The following GTF3C6 variants were observed in gnomAD, a reference collection of about 807,000 sequenced individuals.
GTF3C6 encodes the protein general transcription factor IIIC subunit 6.
GTF3C6 carries 11 observed loss-of-function variants against 19.2 expected under a neutral mutation model. That is an observed-to-expected ratio of 0.57 (90% confidence interval 0.36 to 0.95). The LOEUF (loss-of-function observed/expected upper bound fraction) is 0.95, where lower values mean the gene tolerates loss of function less well. Ranked by LOEUF, GTF3C6 falls within the 40% of genes least tolerant of loss-of-function variation. The pLI is 0.01. For synonymous variants in GTF3C6, 87 were observed against 84.2 expected, an observed-to-expected ratio of 1.03 and a Z score of -0.18; for missense variants, 222 against 254.7, an observed-to-expected ratio of 0.87 and a Z score of 0.87.
At chr6:110,966,157 G>A (rs1771227121) in intron 5 of GTF3C6, among the ~76,000 whole-genome samples, 1 of 152,162 alleles carries the variant, frequency 6.6e-6, no homozygotes, top group South Asian at 2.1e-4. Context: ...AAGCCACAGT[G>A]TCTTTTATGA....
chr6:110,960,580 G>A lies in GTF3C6; in HGVS notation c.211G>A (p.Gly71Arg). ...TTTGTATTTTTCTGCAGACACTCTAGGGACCTGTGTTATATTTGAAGAAAA... is the reference window on the plus strand; with the variant it reads ...TTTGTATTTTTCTGCAGACACTCTAAGGACCTGTGTTATATTTGAAGAAAA... Reference protein sequence around the residue: ...VFAGEYEDTLGTCVIFEENVE... With the variant: ...VFAGEYEDTLRTCVIFEENVE... The change falls in exon 4 of 6, where the codon GGG becomes AGG. Residue 71 changes from glycine to arginine, a missense_variant. Gly to Arg is a moderately radical substitution (Grantham distance 125, BLOSUM62 -2). Transcript: ENST00000329970. The A allele has an allele frequency of 6.2e-7, 1 of 1,613,734 alleles. No homozygotes were observed. Among genetic ancestry groups the A allele is most frequent in the Non-Finnish European group, 8.5e-7 (1 of 1,179,722 alleles).
rs778945468 is a variant in GTF3C6 at position 110,958,745 on chromosome 6, C to CT, written c.-24dup. ...GGCTCCGGGCGGGCGTGGCCAGTGA[C>CT]TAGAAGGCGAGGCGCCGCGGGACCA... On this transcript the variant is annotated 5_prime_UTR_variant, in exon 1 of 6. Coordinates refer to ENST00000329970, the MANE Select transcript of GTF3C6 (RefSeq NM_138408.4). The CT allele has an allele frequency of 4.5e-5, 70 of 1,550,370 alleles. No homozygotes were observed. In the African/African-American group the frequency reaches 8.6e-4, roughly 19 times the overall value.
chr6:110,964,277 C>T (rs11153265), intron 5 of GTF3C6, among the ~76,000 whole-genome samples: 8,368 of 151,872 alleles, frequency 0.055, 296 homozygotes, highest in South Asian at 0.13. Context: ...TGGAGTTTCA[C>T]TCCGTCGCCC....
intron 5 of GTF3C6, among the ~76,000 whole-genome samples, chr6:110,964,138 G>A (rs9374231): frequency 0.25 from 37,396 of 151,744 alleles, 5,271 homozygotes; most frequent in East Asian, 0.65. Flanking sequence ...GCAGTGGTGT[G>A]ATGTTGGCTC....
chr6:110,959,271 G>C lies in GTF3C6; in HGVS notation c.138+19G>C, dbSNP rs188687588. ...GGTTTTGGTGAGTTTTCTAGACTTG[G>C]GGGGATTGTTCTAGAGTGTCTTAAA... On this transcript the variant is annotated intron_variant, in intron 2 of 5. Coordinates refer to ENST00000329970, the MANE Select transcript of GTF3C6 (RefSeq NM_138408.4). The C allele has an allele frequency of 6.8e-7, 1 of 1,463,416 alleles. No homozygotes were observed. The highest frequency in any genetic ancestry group is 1.4e-5 in the African/African-American group (1 of 71,648). 90.7% of individuals were successfully genotyped at this position (1,463,416 alleles called of 1,614,324 possible).
At chr6:110,960,097 A>T (rs187453002) in intron 2 of GTF3C6, among the ~76,000 whole-genome samples, 2 of 152,314 alleles carry the variant, frequency 1.3e-5, no homozygotes, top group Admixed American at 1.3e-4. Flanking sequence ...TGGGTGACAG[A>T]GCTAGACACT....
At position 110,967,596 on chromosome 6, in the gene GTF3C6, G is replaced by T; in HGVS notation, c.448G>T (p.Glu150Ter). 1 of 1,613,950 alleles carries T rather than the reference G, an allele frequency of 6.2e-7. No homozygotes were observed. The highest frequency in any genetic ancestry group is 8.5e-7 in the Non-Finnish European group (1 of 1,179,936). The change falls in exon 6 of 6, where the codon GAA (glutamate) becomes TAA (stop). Residue 150 changes from glutamate to a stop codon, truncating the protein, a stop_gained. Transcript: ENST00000329970. LOFTEE classifies it low-confidence loss of function (END_TRUNC). ...ICNFLHENED[E>*]EVVASAPDKS... ...TAACTTTCTACATGAAAATGAAGAC[G>T]AAGAAGTGGTAGCTTCAGCCCCAGA...
intron 2 of GTF3C6, among the ~76,000 whole-genome samples, chr6:110,959,992 A>G (rs1429324269): frequency 6.6e-6 from 1 of 152,030 alleles, no homozygotes; most frequent in East Asian, 1.9e-4. Flanking sequence ...ATAATAAATT[A>G]GCTGGGGATG....
chr6:110,960,749 G>GT (rs1771150039), intron 4 of GTF3C6, 133 bp downstream of exon 4: 1 of 767,880 alleles, frequency 1.3e-6, no homozygotes, highest in Non-Finnish European at 2.1e-6. Flanking sequence ...TCAGATTATA[G>GT]TTAAAAAAAA....
chr6:110,961,752 A>G (rs1360368618), intron 4 of GTF3C6, among the ~76,000 whole-genome samples: 1 of 152,180 alleles, frequency 6.6e-6, no homozygotes, highest in Non-Finnish European at 1.5e-5. Flanking sequence ...TTAGATCCCA[A>G]TACGCTGTAG....
chr6:110,959,315 G>T, intron 2 of GTF3C6, 63 bp downstream of exon 2: 1 of 963,990 alleles, frequency 1.0e-6, no homozygotes, highest in South Asian at 1.3e-5. Flanking sequence ...AAGAATCAAT[G>T]GTGAAATACC....
Position 110,958,753 on chromosome 6 carries a change from C to T in GTF3C6, c.-17C>T, listed in dbSNP as rs1771115549. 4 of 1,550,396 alleles carry T rather than the reference C, an allele frequency of 2.6e-6. No individual in the cohort carries two copies. Among genetic ancestry groups the T allele is most frequent in the African/African-American group, 2.7e-5 (2 of 73,090 alleles). On this transcript the variant is annotated 5_prime_UTR_variant, in exon 1 of 6. Coordinates refer to ENST00000329970, the MANE Select transcript of GTF3C6 (RefSeq NM_138408.4). ...GCGGGCGTGGCCAGTGACTAGAAGG[C>T]GAGGCGCCGCGGGACCATGGCGGCG...
At position 110,958,781 on chromosome 6, in the gene GTF3C6, G is replaced by C. The variant is rs977275763; in HGVS notation, c.12G>C (p.Ala4=). The part of the protein sequence containing the change: MAA[A]ADERSPEDGE... ...GGCGCCGCGGGACCATGGCGGCGGC[G>C]GCGGACGAGCGGAGTCCAGAGGACG... Residue 4 remains alanine (A), a synonymous_variant, in exon 1 of 6, where the codon GCG becomes GCC. Coordinates refer to ENST00000329970, the MANE Select transcript of GTF3C6 (RefSeq NM_138408.4). The C allele has an allele frequency of 6.4e-7, 1 of 1,551,022 alleles. No homozygotes were observed. The highest frequency in any genetic ancestry group is 2.0e-5 in the Admixed American group (1 of 51,004).
intron 5 of GTF3C6, among the ~76,000 whole-genome samples, chr6:110,966,800 G>A (rs1004140212): frequency 1.3e-4 from 20 of 151,516 alleles, no homozygotes; most frequent in African/African-American, 4.9e-4. Flanking sequence ...GGCTGACTAG[G>A]AGAACGATGT....
intron 5 of GTF3C6, 80 bp from the exon 6 acceptor site, chr6:110,967,430 G>A: frequency 2.3e-6 from 3 of 1,294,610 alleles, no homozygotes; most frequent in Non-Finnish European, 3.2e-6. Flanking sequence ...TCATAGGATA[G>A]AAATTTAAAT....
chr6:110,959,158 C>T lies in GTF3C6; in HGVS notation c.58-14C>T. 1.3e-6 allele frequency: 2 copies of T among 1,592,566 alleles called. No homozygotes were observed. Among genetic ancestry groups the T allele is most frequent in the Non-Finnish European group, 1.7e-6 (2 of 1,160,534 alleles). Reference sequence around the variant, plus strand: ...CTCGCGTGCTAGCATGTTAACCCCTCTTTCTTTCACCAGGAGCAGTTGGTT... The same window carrying T: ...CTCGCGTGCTAGCATGTTAACCCCTTTTTCTTTCACCAGGAGCAGTTGGTT... On this transcript the variant is annotated splice_polypyrimidine_tract_variant and intron_variant, in intron 1 of 5. Coordinates refer to ENST00000329970, the MANE Select transcript of GTF3C6 (RefSeq NM_138408.4).
rs759091734 is a variant in GTF3C6 at position 110,967,595 on chromosome 6, C to T, written c.447C>T (p.Asp149=). ...MICNFLHENE[D]EEVVASAPDK... ...GTAACTTTCTACATGAAAATGAAGACGAAGAAGTGGTAGCTTCAGCCCCAG... is the reference window on the plus strand; with the variant it reads ...GTAACTTTCTACATGAAAATGAAGATGAAGAAGTGGTAGCTTCAGCCCCAG... Residue 149 remains aspartate (D), a synonymous_variant, in exon 6 of 6, where the codon GAC becomes GAT. Coordinates refer to ENST00000329970, the MANE Select transcript of GTF3C6 (RefSeq NM_138408.4). The T allele has an allele frequency of 1.5e-5, 25 of 1,613,704 alleles. No individual in the cohort carries two copies. Among genetic ancestry groups the T allele is most frequent in the East Asian group, 1.3e-4 (6 of 44,874 alleles).
rs1771250220 is a variant in GTF3C6, at chr6:110,967,803, G to C, written c.*13G>C. ...AATGCTGCCTTAGAAATCACTCCTA[G>C]ATGAAATGTTTCTCATAATAACTTG... On this transcript the variant is annotated 3_prime_UTR_variant, in exon 6 of 6. Transcript: ENST00000329970. 6.4e-7 allele frequency: 1 copy of C among 1,573,300 alleles called. No homozygotes were observed. Among genetic ancestry groups the C allele is most frequent in the Non-Finnish European group, 8.6e-7 (1 of 1,162,066 alleles).
chr6:110,959,586 G>A (rs1045938529), intron 2 of GTF3C6, among the ~76,000 whole-genome samples: 4 of 152,084 alleles, frequency 2.6e-5, no homozygotes, highest in Non-Finnish European at 5.9e-5. Flanking sequence ...CACTTTGGGA[G>A]GCAGAGGTGG....
Sources: gnomAD v4.1 joint callset for allele counts (sites outside exome capture counted in the v4.1 genomes callset) on GRCh38, gnomAD v4.1.1 for gene constraint, MANE v1.5 for transcripts, NCBI Gene and HGNC (gene_info 2026-07-23, HGNC 2026-07-21) for gene names.